Variants in ZNF474 observed in about 807,000 individuals in gnomAD.
ZNF474 encodes zinc finger protein 474, also known as 4933409D10Rik.
For missense variants in ZNF474, 511 were observed against 433.8 expected, an observed-to-expected ratio of 1.18 and a Z score of -1.58; for synonymous variants, 192 against 162.2, an observed-to-expected ratio of 1.18 and a Z score of -1.39.
At chr5:122,142,823 C>A (rs1755882613) in intron 1 of ZNF474, among the ~76,000 whole-genome samples, 1 of 152,116 alleles carries the variant, frequency 6.6e-6, no homozygotes, top group Non-Finnish European at 1.5e-5. Context: ...TCAGAAACAG[C>A]CTTCAGTTTG....
rs558309451 is a variant in ZNF474 at position 122,133,535 on chromosome 5, A to T, written c.-213+3852A>T. Reference sequence around the variant, plus strand: ...TAAAATGTAAACTATTATTTCTATTAGTTGCATTTTCCAGATTATTTTATT... The same window carrying T: ...TAAAATGTAAACTATTATTTCTATTTGTTGCATTTTCCAGATTATTTTATT... On this transcript the variant is annotated intron_variant, in intron 1 of 1. Coordinates refer to ENST00000296600, the MANE Select transcript of ZNF474 (RefSeq NM_207317.3). 5.3e-5 allele frequency among the ~76,000 whole-genome samples: 8 copies of T among 152,288 alleles called. No homozygotes were observed. In the South Asian group the frequency reaches 1.7e-3, roughly 32 times the overall value.
chr5:122,153,403 C>G lies in ZNF474; in HGVS notation c.*318C>G. 3.7e-6 allele frequency: 1 copy of G among 273,210 alleles called. No individual in the cohort carries two copies. The highest frequency in any genetic ancestry group is 7.3e-6 in the Non-Finnish European group (1 of 137,390). The allele number at this position is 273,210 out of a possible 1,614,324, so 16.9% of individuals were successfully genotyped here. A position where few individuals can be genotyped will look rare whatever the true frequency, so the allele number is the denominator to read the frequency against. Reference sequence around the variant, plus strand: ...GTCTACATTACAGAGATATAATTCCCATTCCAACAGCCAATATTTATTGTC... The same window carrying G: ...GTCTACATTACAGAGATATAATTCCGATTCCAACAGCCAATATTTATTGTC... On this transcript the variant is annotated 3_prime_UTR_variant, in exon 2 of 2. Transcript: ENST00000296600.
intron 1 of ZNF474, among the ~76,000 whole-genome samples, chr5:122,134,982 AC>A (rs1755667408): frequency 6.6e-6 from 1 of 152,222 alleles, no homozygotes; most frequent in African/African-American, 2.4e-5. Flanking sequence ...GGCAACCAAA[AC>A]AAAAATGGAC....
chr5:122,143,481 G>A (rs1372270307), intron 1 of ZNF474, among the ~76,000 whole-genome samples: 1 of 152,006 alleles, frequency 6.6e-6, no homozygotes, highest in Non-Finnish European at 1.5e-5. Context: ...GGTTATCTGT[G>A]GATTTTTCCA....
chr5:122,132,953 T>C (rs944266712), intron 1 of ZNF474, among the ~76,000 whole-genome samples: 4 of 152,210 alleles, frequency 2.6e-5, no homozygotes, highest in South Asian at 2.1e-4. Context: ...CTTCCATGAC[T>C]GCTTACTAGT....
rs761033606 is a variant in ZNF474, at chr5:122,153,438, T to C, written c.*353T>C. The stretch of plus-strand genomic sequence containing the variant: ...GCCAATATTTATTGTCGGTTTATTT[T>C]AGTCATCTACCTTAGGAATTCATTT... On this transcript the variant is annotated 3_prime_UTR_variant, in exon 2 of 2. Transcript: ENST00000296600. 1 of 220,010 alleles carries C rather than the reference T, an allele frequency of 4.5e-6. No homozygotes were observed. Among genetic ancestry groups the C allele is most frequent in the Non-Finnish European group, 9.7e-6 (1 of 102,718 alleles). 13.6% of individuals were successfully genotyped at this position (220,010 alleles called of 1,614,324 possible).
rs780298167 is a variant in ZNF474 at position 122,152,551 on chromosome 5, C to T, written c.561C>T (p.Cys187=). ...PDHLLVHHRS[C]KPKGEGPRAP... is the part of the protein sequence containing the mutation. ...ATCTTCTTGTTCATCACAGAAGCTG[C>T]AAGCCAAAGGGTGAGGGTCCCAGAG... Residue 187 remains cysteine (C), a synonymous_variant, in exon 2 of 2, where the codon TGC becomes TGT. Transcript: ENST00000296600. The T allele has an allele frequency of 1.9e-6, 3 of 1,614,040 alleles. No homozygotes were observed. The highest frequency in any genetic ancestry group is 2.2e-5 in the South Asian group (2 of 91,088).
intron 1 of ZNF474, among the ~76,000 whole-genome samples, chr5:122,131,352 T>G (rs1379092793): frequency 7.9e-5 from 12 of 152,166 alleles, no homozygotes; most frequent in Non-Finnish European, 1.5e-4. Flanking sequence ...TAAAGAGATA[T>G]CTACACTTCC....
chr5:122,149,687 G>GA (rs1169534645), intron 1 of ZNF474, among the ~76,000 whole-genome samples: 1 of 152,120 alleles, frequency 6.6e-6, no homozygotes, highest in Non-Finnish European at 1.5e-5. Context: ...TTATAAAGTT[G>GA]AAATAATAAT....
chr5:122,134,998 G>T (rs1314350266), intron 1 of ZNF474, among the ~76,000 whole-genome samples: 1 of 152,148 alleles, frequency 6.6e-6, no homozygotes, highest in Non-Finnish European at 1.5e-5. Flanking sequence ...ATGGACAAAT[G>T]GGATCACAGC....
intron 1 of ZNF474, among the ~76,000 whole-genome samples, chr5:122,141,092 T>A (rs1437843281): frequency 1.3e-5 from 2 of 149,758 alleles, no homozygotes; most frequent in African/African-American, 4.9e-5. Context: ...TTTATTTTTT[T>A]ATTTTTTATT....
chr5:122,144,323 G>C (rs187419126), intron 1 of ZNF474, among the ~76,000 whole-genome samples: 148 of 152,270 alleles, frequency 9.7e-4, no homozygotes, highest in Admixed American at 5.4e-3. Flanking sequence ...TGTCCCCACA[G>C]GACACTTTCA....
intron 1 of ZNF474, among the ~76,000 whole-genome samples, chr5:122,132,020 C>A (rs1755589545): frequency 6.6e-6 from 1 of 152,034 alleles, no homozygotes; most frequent in Non-Finnish European, 1.5e-5. Context: ...ACCCACCAAA[C>A]AATAACTGAT....
chr5:122,142,576 C>CGACT (rs1237190236), intron 1 of ZNF474, among the ~76,000 whole-genome samples: 1 of 152,122 alleles, frequency 6.6e-6, no homozygotes, highest in Non-Finnish European at 1.5e-5. Context: ...AGACACCAGG[C>CGACT]GACTCATTCT....
At chr5:122,141,052 A>G (rs1451927992) in intron 1 of ZNF474, among the ~76,000 whole-genome samples, 2 of 151,978 alleles carry the variant, frequency 1.3e-5, no homozygotes, top group African/African-American at 2.4e-5. Context: ...ATAGGAAATG[A>G]CACCACAAAA....
At chr5:122,133,856 A>G (rs879850434) in intron 1 of ZNF474, among the ~76,000 whole-genome samples, 11 of 152,236 alleles carry the variant, frequency 7.2e-5, no homozygotes, top group Admixed American at 5.9e-4. Context: ...CATAGCGCCC[A>G]GCTCCAGCTT....
rs1756185485 is a variant in ZNF474 at position 122,151,848 on chromosome 5, T to A, written c.-143T>A. 6.1e-6 allele frequency: 6 copies of A among 983,846 alleles called. No homozygotes were observed. The South Asian group carries it at 8.5e-5, about 14-fold the overall frequency. The allele number at this position is 983,846 out of a possible 1,614,324, so 60.9% of individuals were successfully genotyped here. On this transcript the variant is annotated 5_prime_UTR_variant, in exon 2 of 2. The change abolishes the stop of an existing upstream ORF in the 5' untranslated region. Coordinates refer to ENST00000296600, the MANE Select transcript of ZNF474 (RefSeq NM_207317.3). ...AGACTGCCGTCCTGCAATGAAGCTC[T>A]GAGTCACGGTCTGTGAGGCTAAGGT...
chr5:122,131,270 A>G (rs1365696421), intron 1 of ZNF474, among the ~76,000 whole-genome samples: 1 of 152,158 alleles, frequency 6.6e-6, no homozygotes, highest in East Asian at 1.9e-4. Flanking sequence ...CAAAAAGTTA[A>G]AAGGAGAACT....
intron 1 of ZNF474, among the ~76,000 whole-genome samples, chr5:122,130,681 G>A (rs1183719306): frequency 6.6e-6 from 1 of 151,908 alleles, no homozygotes; most frequent in East Asian, 1.9e-4. Context: ...TATTTTTTAT[G>A]TCTAACTTTT....
Sources: gnomAD v4.1 joint callset for allele counts (sites outside exome capture counted in the v4.1 genomes callset) on GRCh38, gnomAD v4.1.1 for gene constraint, MANE v1.5 for transcripts, NCBI Gene and HGNC (gene_info 2026-07-23, HGNC 2026-07-21) for gene names.